GREB1L: variants seen among roughly 807,000 people sequenced by gnomAD.
GREB1L encodes the protein GREB1-like protein.
A neutral mutation model predicts 200.8 loss-of-function variants in GREB1L; 17 were observed. The ratio of observed to expected loss-of-function variants is 0.08; its 90% CI spans 0.06 to 0.13. The LOEUF is 0.13. Ranked by LOEUF, GREB1L falls within the 10% of genes least tolerant of loss-of-function variation. The probability of loss-of-function intolerance (pLI) is 1.00; values close to 1 mark genes in which losing one functional copy is unlikely to be tolerated. For missense variants in GREB1L, 1,657 were observed against 2,367.7 expected (o/e 0.70, Z 6.23); for synonymous variants, 789 against 893.0 (o/e 0.88, Z 2.08).
intron 2 of GREB1L, among the ~76,000 whole-genome samples, chr18:21,376,243 C>A (rs2040064786): frequency 6.6e-6 from 1 of 151,726 alleles, no homozygotes; most frequent in African/African-American, 2.4e-5. Flanking sequence ...CTCAGCCTCC[C>A]AAGTAGCTGG....
rs116950320 is a variant in GREB1L, at chr18:21,520,590, G to A, written c.5473-98G>A. On this transcript the variant is annotated intron_variant, in intron 31 of 32. Coordinates refer to ENST00000424526, the MANE Select transcript of GREB1L (RefSeq NM_001142966.3). ...AAACTCATCTCCTTTACCTTATCCT[G>A]AAATAGAGAAAAAGGAAGGTACTGA... is the stretch of plus-strand genomic sequence containing the variant. The A allele has an allele frequency of 9.2e-3, 12,360 of 1,336,542 alleles. 82 individuals are homozygous for A. Among genetic ancestry groups the A allele is most frequent in the Non-Finnish European group, 0.012 (11,241 of 961,084 alleles). The allele number at this position is 1,336,542 out of a possible 1,614,324, so 82.8% of individuals were successfully genotyped here. A position where few individuals can be genotyped will look rare whatever the true frequency, so the allele number is the denominator to read the frequency against.
At chr18:21,444,167 C>G in intron 10 of GREB1L, 57 bp from the exon 11 acceptor site, 1 of 1,269,390 alleles carries the variant, frequency 7.9e-7, no homozygotes, top group Middle Eastern at 1.9e-4. Flanking sequence ...GCAAGTGTAC[C>G]TGGTTGGACC....
At chr18:21,420,144 G>A (rs987497545) in intron 7 of GREB1L, among the ~76,000 whole-genome samples, 3 of 152,174 alleles carry the variant, frequency 2.0e-5, no homozygotes, top group Admixed American at 2.0e-4. Flanking sequence ...AGGCCGAGGC[G>A]GGCAGATCAT....
intron 1 of GREB1L, among the ~76,000 whole-genome samples, chr18:21,324,638 G>A (rs1455589549): frequency 4.6e-5 from 7 of 152,018 alleles, no homozygotes; most frequent in African/African-American, 9.7e-5. Flanking sequence ...GTGAAACCCC[G>A]TCTCTACTAA....
intron 1 of GREB1L, among the ~76,000 whole-genome samples, chr18:21,281,948 CAT>C (rs1310228751): frequency 6.6e-6 from 1 of 152,048 alleles, no homozygotes; most frequent in East Asian, 1.9e-4. Context: ...ATCATTATAA[CAT>C]ATATATTATA....
chr18:21,267,794 C>T (rs1302530422), intron 1 of GREB1L, among the ~76,000 whole-genome samples: 1 of 151,406 alleles, frequency 6.6e-6, no homozygotes, highest in African/African-American at 2.4e-5. Context: ...TAAGCCAGTC[C>T]CACCCCAAGC....
rs183278889 is a variant in GREB1L at position 21,492,809 on chromosome 18, G to A, written c.3030+2458G>A. On this transcript the variant is annotated intron_variant, in intron 19 of 32. Coordinates refer to ENST00000424526, the MANE Select transcript of GREB1L (RefSeq NM_001142966.3). ...TATAAGAGTGTCCCATATTCTGGCT[G>A]CTGTGATGGCTCATGCCTGTAGTCC... Among the ~76,000 whole-genome samples, 40 of 152,266 alleles carry A rather than the reference G, an allele frequency of 2.6e-4. No homozygotes were observed. The East Asian group carries it at 6.0e-3, about 23-fold the overall frequency.
chr18:21,449,178 G>A (rs543643820), intron 11 of GREB1L, among the ~76,000 whole-genome samples: 7 of 152,258 alleles, frequency 4.6e-5, no homozygotes, highest in Non-Finnish European at 2.9e-5. Context: ...AAGCTTAATA[G>A]GTCAAGAAAT....
At chr18:21,382,025 CA>C (rs1365420587) in intron 2 of GREB1L, among the ~76,000 whole-genome samples, 1 of 151,366 alleles carries the variant, frequency 6.6e-6, no homozygotes, top group African/African-American at 2.4e-5. Flanking sequence ...CAGCTTTGAA[CA>C]AAAAAAAATT....
chr18:21,389,955 C>G (rs1161003049), intron 4 of GREB1L, among the ~76,000 whole-genome samples: 1 of 152,126 alleles, frequency 6.6e-6, no homozygotes, highest in Non-Finnish European at 1.5e-5. Context: ...TAGGAGAGCT[C>G]TCCATCAGAC....
At chr18:21,461,002 T>C (rs1355017341) in intron 15 of GREB1L, among the ~76,000 whole-genome samples, 4 of 148,494 alleles carry the variant, frequency 2.7e-5, no homozygotes, top group Non-Finnish European at 5.9e-5. Flanking sequence ...GAGGCTGAGG[T>C]GGGAGGATCA....
At chr18:21,331,214 G>A (rs2039102638) in intron 1 of GREB1L, among the ~76,000 whole-genome samples, 1 of 152,136 alleles carries the variant, frequency 6.6e-6, no homozygotes, top group African/African-American at 2.4e-5. Context: ...CACTTAAATA[G>A]GCATGCAGAG....
chr18:21,326,899 C>A (rs1436335877), intron 1 of GREB1L, among the ~76,000 whole-genome samples: 1 of 152,078 alleles, frequency 6.6e-6, no homozygotes, highest in African/African-American at 2.4e-5. Flanking sequence ...CACATGAAGC[C>A]TTTTGGTAGA....
At chr18:21,500,463 G>A (rs1182314581) in intron 22 of GREB1L, 77 bp from the exon 23 acceptor site, 5 of 1,088,372 alleles carry the variant, frequency 4.6e-6, no homozygotes, top group Non-Finnish European at 6.9e-6. Context: ...CAGAGCCAAG[G>A]TGTGAAATCT....
rs1431322981 is a variant in GREB1L at position 21,447,876 on chromosome 18, A to G, written c.1394-1634A>G. 8.5e-5 allele frequency among the ~76,000 whole-genome samples: 13 copies of G among 152,226 alleles called. 1 individual carries two copies. Among genetic ancestry groups the G allele is most frequent in the Admixed American group, 8.5e-4 (13 of 15,294 alleles). On this transcript the variant is annotated intron_variant, in intron 11 of 32. Transcript: ENST00000424526. The stretch of plus-strand genomic sequence containing the variant: ...CATTCCCAGCAAGTTTTTTGAGGAC[A>G]GTAGAGGCCAGGCACGGTGGCTCAC...
Position 21,451,960 on chromosome 18 carries a change from A to G in GREB1L, c.1850-123A>G. On this transcript the variant is annotated intron_variant, in intron 13 of 32. Coordinates refer to ENST00000424526, the MANE Select transcript of GREB1L (RefSeq NM_001142966.3). Reference sequence around the variant, plus strand: ...TAAAGATGGCCAAGTGTAAATGCTGATATGAATTGCTGGCTGACCAACAAA... The same window carrying G: ...TAAAGATGGCCAAGTGTAAATGCTGGTATGAATTGCTGGCTGACCAACAAA... 3 of 791,034 alleles carry G rather than the reference A, an allele frequency of 3.8e-6. No homozygotes were observed. The South Asian group carries it at 5.4e-5, about 14-fold the overall frequency. 49.0% of individuals were successfully genotyped at this position (791,034 alleles called of 1,614,324 possible).
intron 2 of GREB1L, among the ~76,000 whole-genome samples, chr18:21,378,377 TTTTTATTTTTTA>T (rs1376140271): frequency 6.6e-6 from 1 of 152,174 alleles, no homozygotes; most frequent in East Asian, 1.9e-4. Flanking sequence ...CCATTATTTA[TTTTTATTTTTTA>T]TTTTATTTTA....
intron 1 of GREB1L, among the ~76,000 whole-genome samples, chr18:21,283,487 G>A (rs1438557502): frequency 6.6e-6 from 1 of 152,198 alleles, no homozygotes; most frequent in African/African-American, 2.4e-5. Context: ...CTGTGTTGGG[G>A]TATCTCATCA....
At chr18:21,254,759 T>C (rs1349183507) in intron 1 of GREB1L, among the ~76,000 whole-genome samples, 1 of 152,198 alleles carries the variant, frequency 6.6e-6, no homozygotes, top group Non-Finnish European at 1.5e-5. Flanking sequence ...GTCTTCCAGC[T>C]TGTCTTTTCA....
Sources: allele counts gnomAD v4.1 joint callset (sites outside exome capture counted in the v4.1 genomes callset), GRCh38; gene constraint gnomAD v4.1.1; transcripts MANE v1.5; gene names NCBI Gene and HGNC (gene_info 2026-07-23, HGNC 2026-07-21).